Variants in ATP8A1 observed in about 807,000 individuals in gnomAD.
The protein encoded by ATP8A1 is phospholipid-transporting ATPase IA.
ATP8A1 carries 90 observed loss-of-function variants against 177.7 expected under a neutral mutation model. The observed-to-expected ratio is 0.51, with a 90% CI of 0.43 to 0.60. ATP8A1 has a LOEUF of 0.60. Ranked by LOEUF, ATP8A1 falls within the 20% of genes least tolerant of loss-of-function variation. The probability of loss-of-function intolerance (pLI) is 0.00; values close to 1 mark genes in which losing one functional copy is unlikely to be tolerated. For synonymous variants in ATP8A1, 493 were observed against 485.9 expected (o/e 1.01, Z -0.19); for missense variants, 1,072 against 1,392.8 (o/e 0.77, Z 3.67).
intron 33 of ATP8A1, among the ~76,000 whole-genome samples, chr4:42,432,200 G>C (rs113099902): frequency 2.0e-5 from 3 of 151,804 alleles, no homozygotes; most frequent in Non-Finnish European, 4.4e-5. Context: ...GAGACTCCAG[G>C]GTTACTCTAG....
At chr4:42,506,640 A>G (rs983171624) in intron 23 of ATP8A1, among the ~76,000 whole-genome samples, 1 of 152,222 alleles carries the variant, frequency 6.6e-6, no homozygotes, top group Non-Finnish European at 1.5e-5. Context: ...CTGTTGCCTA[A>G]GCCACCCAGT....
intron 5 of ATP8A1, among the ~76,000 whole-genome samples, chr4:42,610,236 C>G (rs1293987546): frequency 6.6e-6 from 1 of 151,294 alleles, no homozygotes; most frequent in Admixed American, 6.6e-5. Flanking sequence ...TCCTGTAGGA[C>G]AAGTATGATT....
At chr4:42,434,158 A>G (rs146223415) in intron 33 of ATP8A1, among the ~76,000 whole-genome samples, 60 of 152,280 alleles carry the variant, frequency 3.9e-4, no homozygotes, top group African/African-American at 1.3e-3. Flanking sequence ...AAAGTCGCAG[A>G]AAAATGAGGA....
intron 15 of ATP8A1, among the ~76,000 whole-genome samples, chr4:42,564,474 G>T (rs1364093898): frequency 6.6e-6 from 1 of 152,218 alleles, no homozygotes; most frequent in Admixed American, 6.5e-5. Context: ...TCTTGCATCA[G>T]TGTGACCTGG....
intron 33 of ATP8A1, among the ~76,000 whole-genome samples, chr4:42,438,145 A>T (rs1453344659): frequency 1.3e-5 from 2 of 152,166 alleles, no homozygotes; most frequent in African/African-American, 4.8e-5. Flanking sequence ...AAAGGAACAG[A>T]CAGGAGTGTG....
intron 24 of ATP8A1, among the ~76,000 whole-genome samples, chr4:42,493,037 T>A (rs1282291850): frequency 6.6e-6 from 1 of 152,218 alleles, no homozygotes; most frequent in Non-Finnish European, 1.5e-5. Context: ...TCTTCATAGC[T>A]GGTCAGCAGA....
At chr4:42,547,464 CAGAA>C (rs1729045652) in intron 19 of ATP8A1, among the ~76,000 whole-genome samples, 1 of 152,166 alleles carries the variant, frequency 6.6e-6, no homozygotes, top group Non-Finnish European at 1.5e-5. Flanking sequence ...CCTGAAAGAA[CAGAA>C]ACTCCCAACC....
rs570785521 is a variant in ATP8A1 at position 42,572,604 on chromosome 4, A to C, written c.1295+2015T>G. ...TAAAAGCACATACACAAACATGATC[A>C]CTGGAAGCAGTTTAACTAGCTTTAC... On this transcript the variant is annotated intron_variant, in intron 14 of 36. Transcript: ENST00000381668. Among the ~76,000 whole-genome samples the C allele has an allele frequency of 6.6e-5, 10 of 152,314 alleles. No individual in the cohort carries two copies. In the South Asian group the frequency reaches 2.1e-3, roughly 32 times the overall value.
rs1352404192 is a variant in ATP8A1 at position 42,590,757 on chromosome 4, G to A, written c.524+54C>T. On this transcript the variant is annotated intron_variant, in intron 7 of 36. Transcript: ENST00000381668. ...CCATATTTGGGTGCAACTGTTCTCC[G>A]GTTTACGGTGAGGACCCACATACAC... is the stretch of plus-strand genomic sequence containing the variant. The A allele has an allele frequency of 5.8e-6, 9 of 1,538,534 alleles. No individual in the cohort carries two copies. In the South Asian group the frequency reaches 8.1e-5, roughly 14 times the overall value.
chr4:42,593,167 A>G (rs1170399370), intron 6 of ATP8A1, among the ~76,000 whole-genome samples: 2 of 152,112 alleles, frequency 1.3e-5, no homozygotes, highest in Admixed American at 6.6e-5. Context: ...CACTCCCTAA[A>G]GAGAGCTCTT....
At chr4:42,542,018 T>G (rs1728438724) in intron 20 of ATP8A1, among the ~76,000 whole-genome samples, 1 of 152,060 alleles carries the variant, frequency 6.6e-6, no homozygotes. Flanking sequence ...TCATGTACAG[T>G]CTAGGGTTTG....
intron 35 of ATP8A1, among the ~76,000 whole-genome samples, chr4:42,419,122 T>G (rs1273869175): frequency 6.6e-6 from 1 of 152,266 alleles, no homozygotes; most frequent in African/African-American, 2.4e-5. Context: ...TTTTTATGAA[T>G]CAGATTTCTG....
rs545493975 is a variant in ATP8A1, at chr4:42,551,352, T to C, written c.1520-72A>G. ...ATATTCTCAGCACAAGAGAAGTACA[T>C]TAAGGTAATATAATTTTCTGTTTAA... is the stretch of plus-strand genomic sequence containing the variant. On this transcript the variant is annotated intron_variant, in intron 17 of 36. Coordinates refer to ENST00000381668, the MANE Select transcript of ATP8A1 (RefSeq NM_006095.2). 4.8e-5 allele frequency: 49 copies of C among 1,018,948 alleles called. 1 individual carries two copies. The South Asian group carries it at 6.0e-4, about 13-fold the overall frequency. The allele number at this position is 1,018,948 out of a possible 1,614,324, so 63.1% of individuals were successfully genotyped here.
chr4:42,626,099 G>C (rs1241713952), intron 2 of ATP8A1: 1 of 153,574 alleles, frequency 6.5e-6, no homozygotes, highest in Non-Finnish European at 1.4e-5. Flanking sequence ...AGCAATTTGA[G>C]CAATTTGACC....
chr4:42,509,581 C>T (rs1724783461), intron 22 of ATP8A1, among the ~76,000 whole-genome samples: 1 of 152,194 alleles, frequency 6.6e-6, no homozygotes, highest in Non-Finnish European at 1.5e-5. Context: ...TGTTTCTTGG[C>T]CAGGCGCGGT....
chr4:42,620,606 T>C (rs540849872), intron 4 of ATP8A1, among the ~76,000 whole-genome samples: 1 of 152,326 alleles, frequency 6.6e-6, no homozygotes, highest in East Asian at 1.9e-4. Flanking sequence ...GGCAGGAGTC[T>C]GGAGCCAAAA....
intron 33 of ATP8A1, among the ~76,000 whole-genome samples, chr4:42,432,951 A>G (rs113178781): frequency 4.0e-4 from 61 of 152,322 alleles, no homozygotes; most frequent in African/African-American, 1.3e-3. Flanking sequence ...TTCCTAGTTT[A>G]TCAATAGCAT....
At chr4:42,555,626 C>G (rs376838631) in intron 16 of ATP8A1, among the ~76,000 whole-genome samples, 101 of 152,126 alleles carry the variant, frequency 6.6e-4, no homozygotes, top group African/African-American at 2.4e-3. Context: ...GAGTTTAAGA[C>G]CAGCCTGACC....
At chr4:42,649,487 T>C (rs1740874869) in intron 1 of ATP8A1, among the ~76,000 whole-genome samples, 1 of 152,172 alleles carries the variant, frequency 6.6e-6, no homozygotes, top group Admixed American at 6.5e-5. Flanking sequence ...ATAATCACAA[T>C]GTGATTATAT....
Sources: gnomAD v4.1 joint callset for allele counts (sites outside exome capture counted in the v4.1 genomes callset) on GRCh38, gnomAD v4.1.1 for gene constraint, MANE v1.5 for transcripts, NCBI Gene and HGNC (gene_info 2026-07-23, HGNC 2026-07-21) for gene names.